The following CSMD3 variants were observed in gnomAD, a reference collection of about 807,000 sequenced individuals.
CSMD3 encodes the protein CUB and sushi domain-containing protein 3.
A neutral mutation model predicts 435.2 loss-of-function variants in CSMD3; 177 were observed. That is an observed-to-expected ratio of 0.41 (90% CI 0.36 to 0.46). The LOEUF (loss-of-function observed/expected upper bound fraction) is 0.46, where lower values mean the gene tolerates loss of function less well. Ranked by LOEUF, CSMD3 falls within the 20% of genes least tolerant of loss-of-function variation. The pLI is 0.34. For missense variants in CSMD3, 4,265 were observed against 4,504.6 expected (o/e 0.95, Z 1.52); for synonymous variants, 1,656 against 1,520.5 (o/e 1.09, Z -2.07).
At chr8:112,327,706 C>T (rs1262248251) in intron 45 of CSMD3, among the ~76,000 whole-genome samples, 1 of 152,142 alleles carries the variant, frequency 6.6e-6, no homozygotes, top group African/African-American at 2.4e-5. Context: ...CAACTACTAA[C>T]AACTACATGA....
intron 10 of CSMD3, among the ~76,000 whole-genome samples, chr8:112,916,213 G>A (rs993217935): frequency 3.3e-5 from 5 of 151,776 alleles, no homozygotes; most frequent in Admixed American, 1.3e-4. Context: ...TGAGAGCTAG[G>A]CAAAATGTAT....
At chr8:112,741,127 G>A (rs1489654354) in intron 13 of CSMD3, among the ~76,000 whole-genome samples, 1 of 151,834 alleles carries the variant, frequency 6.6e-6, no homozygotes, top group Non-Finnish European at 1.5e-5. Flanking sequence ...GAGATGAAGA[G>A]AGTGTCTAGA....
intron 11 of CSMD3, among the ~76,000 whole-genome samples, chr8:112,836,769 T>C (rs902807245): frequency 6.6e-6 from 1 of 151,924 alleles, no homozygotes; most frequent in African/African-American, 2.4e-5. Flanking sequence ...ATGCATTTGT[T>C]ATTTAAGTCA....
intron 12 of CSMD3, among the ~76,000 whole-genome samples, chr8:112,808,568 A>G (rs796724264): frequency 4.6e-5 from 7 of 152,264 alleles, no homozygotes; most frequent in African/African-American, 9.6e-5. Context: ...TGCCCAGTCG[A>G]TAGTACCCTA....
At chr8:112,863,017 T>A (rs2080868732) in intron 10 of CSMD3, among the ~76,000 whole-genome samples, 1 of 152,044 alleles carries the variant, frequency 6.6e-6, no homozygotes, top group Non-Finnish European at 1.5e-5. Flanking sequence ...TGTCTCTATT[T>A]TTTGCTCTGA....
At chr8:112,388,041 C>T (rs1711953537) in intron 36 of CSMD3, among the ~76,000 whole-genome samples, 1 of 152,004 alleles carries the variant, frequency 6.6e-6, no homozygotes, top group Admixed American at 6.5e-5. Context: ...GAAGGTCTTC[C>T]ACAGAAAATG....
rs759516703 is a variant in CSMD3 at position 112,689,817 on chromosome 8, G to A, written c.2155+51C>T. ...CAATTAATTACAAAAGCAATTATAT[G>A]CAAGGACAGGGTAACATATGCTATC... is the stretch of plus-strand genomic sequence containing the variant. On this transcript the variant is annotated intron_variant, in intron 14 of 70. Transcript: ENST00000297405. 8 of 1,504,952 alleles carry A rather than the reference G, an allele frequency of 5.3e-6. No individual in the cohort carries two copies. The East Asian group carries it at 1.8e-4, about 34-fold the overall frequency. 93.2% of individuals were successfully genotyped at this position (1,504,952 alleles called of 1,614,324 possible). A position where few individuals can be genotyped will look rare whatever the true frequency, so the allele number is the denominator to read the frequency against.
chr8:112,577,342 AAAAC>A (rs1234639049), intron 23 of CSMD3, among the ~76,000 whole-genome samples: 2 of 152,102 alleles, frequency 1.3e-5, no homozygotes, highest in Admixed American at 6.6e-5. Flanking sequence ...ATAAGAAAAC[AAAAC>A]AAACAAAATA....
At chr8:112,624,606 G>C (rs1834336846) in intron 22 of CSMD3, among the ~76,000 whole-genome samples, 1 of 152,020 alleles carries the variant, frequency 6.6e-6, no homozygotes, top group Non-Finnish European at 1.5e-5. Flanking sequence ...AAACTAGAAA[G>C]ATTAGTGACT....
chr8:112,503,989 A>C lies in CSMD3; in HGVS notation c.4896-12T>G. 1 of 1,527,924 alleles carries C rather than the reference A, an allele frequency of 6.5e-7. No homozygotes were observed. The highest frequency in any genetic ancestry group is 1.1e-5 in the South Asian group (1 of 88,130). The allele number at this position is 1,527,924 out of a possible 1,614,324, so 94.6% of individuals were successfully genotyped here. A position where few individuals can be genotyped will look rare whatever the true frequency, so the allele number is the denominator to read the frequency against. ...GTTCTATGCTAAAACTGAAAAAAAA[A>C]AGGAAAGAACAAAAGAAAGAAAGAG... On this transcript the variant is annotated splice_polypyrimidine_tract_variant and intron_variant, in intron 29 of 70. Transcript: ENST00000297405.
chr8:113,230,175 C>A (rs1217566427), intron 3 of CSMD3, among the ~76,000 whole-genome samples: 2 of 151,366 alleles, frequency 1.3e-5, no homozygotes, highest in African/African-American at 2.4e-5. Flanking sequence ...GTGAAGACCT[C>A]CATTAAATAG....
chr8:112,771,975 A>T (rs1001379114), intron 13 of CSMD3, among the ~76,000 whole-genome samples: 8 of 152,200 alleles, frequency 5.3e-5, no homozygotes, highest in African/African-American at 1.7e-4. Context: ...TTGAAGATAT[A>T]AAAACTTCCT....
chr8:113,269,536 A>G (rs1050960061), intron 3 of CSMD3, among the ~76,000 whole-genome samples: 28 of 152,324 alleles, frequency 1.8e-4, no homozygotes, highest in South Asian at 2.1e-4. Flanking sequence ...AGCTGGAGGC[A>G]TCACACTACC....
In CSMD3 at chr8:112,254,322, A is replaced by G. The variant is rs2130259133; in HGVS notation, c.10041T>C (p.Pro3347=). 1.2e-6 allele frequency: 2 copies of G among 1,609,094 alleles called. No individual in the cohort carries two copies. Among genetic ancestry groups the G allele is most frequent in the South Asian group, 1.1e-5 (1 of 91,000 alleles). The change falls in exon 63 of 71, where the codon CCT becomes CCC. Residue 3347 remains proline, a synonymous_variant. Coordinates refer to ENST00000297405, the MANE Select transcript of CSMD3 (RefSeq NM_198123.2). Reference sequence around the variant, plus strand: ...CTGGGTTTTCACAAGAGGTTTGGGTAGGCTCTAAAATGAAGATTAAAAAGA... The same window carrying G: ...CTGGGTTTTCACAAGAGGTTTGGGTGGGCTCTAAAATGAAGATTAAAAAGA... ...WSGSSPHCIE[P]TQTSCENPGV...
At chr8:112,893,854 T>C (rs1431631562) in intron 10 of CSMD3, among the ~76,000 whole-genome samples, 1 of 151,460 alleles carries the variant, frequency 6.6e-6, no homozygotes, top group Non-Finnish European at 1.5e-5. Context: ...TACAAAGTAA[T>C]ATACAGAAAG....
intron 3 of CSMD3, among the ~76,000 whole-genome samples, chr8:113,254,849 A>T (rs1187210843): frequency 1.3e-5 from 2 of 152,136 alleles, no homozygotes; most frequent in Non-Finnish European, 2.9e-5. Context: ...TTTTCCAGAA[A>T]CACACTATAT....
chr8:113,273,486 T>C (rs1203100995), intron 3 of CSMD3, among the ~76,000 whole-genome samples: 1 of 152,142 alleles, frequency 6.6e-6, no homozygotes, highest in Non-Finnish European at 1.5e-5. Context: ...ATAAAATCTA[T>C]GAGCACTCTA....
At chr8:112,494,508 T>TTTCTTTCC (rs1821086034) in intron 30 of CSMD3, among the ~76,000 whole-genome samples, 1 of 80,828 alleles carries the variant, frequency 1.2e-5, no homozygotes, top group African/African-American at 4.2e-5. Flanking sequence ...TCTTTCTTTC[T>TTTCTTTCC]TTCTTTCTTT....
intron 58 of CSMD3, among the ~76,000 whole-genome samples, chr8:112,282,641 C>T (rs1303914548): frequency 1.3e-5 from 2 of 152,018 alleles, no homozygotes; most frequent in Admixed American, 1.3e-4. Context: ...TGTTTCTGTT[C>T]TCTTGACTTT....
Sources: gnomAD v4.1 joint callset for allele counts (sites outside exome capture counted in the v4.1 genomes callset) on GRCh38, gnomAD v4.1.1 for gene constraint, MANE v1.5 for transcripts, NCBI Gene and HGNC (gene_info 2026-07-23, HGNC 2026-07-21) for gene names.